RNF149: variants seen among roughly 807,000 people sequenced by gnomAD.
RNF149 encodes the protein ring finger protein 149, also known as E3 ubiquitin-protein ligase RNF149.
Under a neutral mutation model 39.0 loss-of-function variants are expected in RNF149, and 21 were observed. That is an observed-to-expected ratio of 0.54 (90% CI 0.38 to 0.77). The LOEUF is 0.77. RNF149 is among the 30% of genes least tolerant of loss of function. RNF149 has a pLI of 0.00. For synonymous variants in RNF149, 209 were observed against 213.6 expected, an observed-to-expected ratio of 0.98 and a Z score of 0.19; for missense variants, 493 against 534.9, an observed-to-expected ratio of 0.92 and a Z score of 0.77.
chr2:101,302,081 C>T (rs987568868), intron 1 of RNF149, among the ~76,000 whole-genome samples: 20 of 152,192 alleles, frequency 1.3e-4, no homozygotes, highest in Admixed American at 1.1e-3. Flanking sequence ...TAAGGTTCAG[C>T]GTAAGCTCAA....
downstream of RNF149, among the ~76,000 whole-genome samples, chr2:101,274,417 C>A (rs1456889809): frequency 6.6e-6 from 1 of 152,168 alleles, no homozygotes; most frequent in Non-Finnish European, 1.5e-5. Context: ...GACACGTAAA[C>A]CCTGGAATAA....
chr2:101,275,422 C>T (rs1682300727), downstream of RNF149, among the ~76,000 whole-genome samples: 2 of 119,634 alleles, frequency 1.7e-5, no homozygotes, highest in South Asian at 2.8e-4. Flanking sequence ...CGGCCCTCCC[C>T]TAGTATTTCT....
At chr2:101,306,008 G>A (rs1306846503) in intron 1 of RNF149, among the ~76,000 whole-genome samples, 1 of 152,106 alleles carries the variant, frequency 6.6e-6, no homozygotes, top group African/African-American at 2.4e-5. Context: ...TCACTAAAAA[G>A]GCTAGAATGG....
chr2:101,276,862 C>CT lies in RNF149; in HGVS notation c.*375dup, dbSNP rs1682363412. 4 of 1,013,658 alleles carry CT rather than the reference C, an allele frequency of 3.9e-6. No homozygotes were observed. The highest frequency in any genetic ancestry group is 4.7e-6 in the Non-Finnish European group (4 of 845,238). 62.8% of individuals were successfully genotyped at this position (1,013,658 alleles called of 1,614,324 possible). ...ATTATACAATTCCACTTCAACTAGT[C>CT]TAACATTGATGTGCTTTGCCAAAAA... is the stretch of plus-strand genomic sequence containing the variant. On this transcript the variant is annotated 3_prime_UTR_variant, in exon 7 of 7. Transcript: ENST00000295317.
In RNF149 at chr2:101,294,620, G is replaced by A. The variant is rs1406372916; in HGVS notation, c.711+311C>T. 12 of 267,478 alleles carry A rather than the reference G, an allele frequency of 4.5e-5. No individual in the cohort carries two copies. In the South Asian group the frequency reaches 4.8e-4, roughly 11 times the overall value. The allele number at this position is 267,478 out of a possible 1,614,324, so 16.6% of individuals were successfully genotyped here. ...TGAGAGAGATAAATGGCTTTACTAC[G>A]GCTCCATGATGGAGACAGAGAGGCC... On this transcript the variant is annotated intron_variant, in intron 2 of 6. Coordinates refer to ENST00000295317, the MANE Select transcript of RNF149 (RefSeq NM_173647.4).
At chr2:101,284,446 T>C (rs1372546595) in intron 5 of RNF149, among the ~76,000 whole-genome samples, 1 of 152,108 alleles carries the variant, frequency 6.6e-6, no homozygotes, top group African/African-American at 2.4e-5. Flanking sequence ...CTGGGTGTAC[T>C]GGAGTGCAGG....
chr2:101,271,899 G>A (rs1305403978), downstream of RNF149, among the ~76,000 whole-genome samples: 1 of 152,128 alleles, frequency 6.6e-6, no homozygotes, highest in South Asian at 2.1e-4. Flanking sequence ...TATTCTTATA[G>A]TGTACATATA....
chr2:101,296,771 G>T (rs1296398801), intron 1 of RNF149, among the ~76,000 whole-genome samples: 1 of 151,866 alleles, frequency 6.6e-6, no homozygotes, highest in Admixed American at 6.6e-5. Flanking sequence ...ATGGCTAGAA[G>T]AAACATGGGA....
Position 101,308,158 on chromosome 2 carries a change from C to T in RNF149, c.431G>A (p.Gly144Glu). The change falls in exon 1 of 7, where the codon GGG becomes GAG. Residue 144 changes from glycine to glutamate, a missense_variant. Physicochemically the swap from Gly to Glu is moderately conservative, Grantham distance 98. Transcript: ENST00000295317. ...GTGAGACATGGGCAAGGTGATGTTC[C>T]CGTAGCGCTCCTCATTGTAGAGGAC... ...AVVLYNEERY[G>E]NITLPMSHAG... 2 of 1,610,200 alleles carry T rather than the reference C, an allele frequency of 1.2e-6. No homozygotes were observed. The highest frequency in any genetic ancestry group is 2.2e-5 in the South Asian group (2 of 91,004).
At position 101,295,260 on chromosome 2, in the gene RNF149, T is replaced by C. The variant is rs896092665; in HGVS notation, c.461-79A>G. The C allele has an allele frequency of 4.2e-4, 496 of 1,189,556 alleles. 1 individual carries two copies. Among genetic ancestry groups the C allele is most frequent in the Middle Eastern group, 2.3e-3 (11 of 4,840 alleles). The allele number at this position is 1,189,556 out of a possible 1,614,324, so 73.7% of individuals were successfully genotyped here. ...AACATTAAATTAAATATAAGGGTAC[T>C]ATGTTCATCTACATATATAAATACA... On this transcript the variant is annotated intron_variant, in intron 1 of 6. Transcript: ENST00000295317.
chr2:101,282,243 C>T (rs1388582778), intron 5 of RNF149, among the ~76,000 whole-genome samples, 186 bp from the exon 6 acceptor site: 2 of 151,594 alleles, frequency 1.3e-5, no homozygotes, highest in Non-Finnish European at 2.9e-5. Context: ...GACAACCAAT[C>T]TCCTAAGGCC....
chr2:101,297,315 T>C (rs962570084), intron 1 of RNF149, among the ~76,000 whole-genome samples: 4 of 151,474 alleles, frequency 2.6e-5, no homozygotes, highest in Non-Finnish European at 4.4e-5. Context: ...ACAAAGAAAA[T>C]GAAGTTGATT....
chr2:101,292,768 A>G (rs1191867695), intron 3 of RNF149, among the ~76,000 whole-genome samples: 1 of 152,000 alleles, frequency 6.6e-6, no homozygotes. Context: ...TCCATCTCAA[A>G]TGAAGAAAAA....
At chr2:101,280,176 A>AAATAATAATAATAATAATAATAAT (rs535984877) in intron 6 of RNF149, among the ~76,000 whole-genome samples, 8 of 148,222 alleles carry the variant, frequency 5.4e-5, no homozygotes, top group African/African-American at 2.0e-4. Flanking sequence ...ACTCCATCTC[A>AAATAATAATAATAATAATAATAAT]AATAATAATA....
At chr2:101,274,552 A>G (rs965092800), downstream of RNF149, among the ~76,000 whole-genome samples, 2 of 152,152 alleles carry the variant, frequency 1.3e-5, no homozygotes, top group African/African-American at 2.4e-5. Flanking sequence ...AGTTTTATGG[A>G]TTAGATGAGC....
chr2:101,298,258 T>C (rs1683318311), intron 1 of RNF149, among the ~76,000 whole-genome samples: 1 of 152,018 alleles, frequency 6.6e-6, no homozygotes, highest in South Asian at 2.1e-4. Flanking sequence ...CTATCTCTAC[T>C]TAAAAGAAAT....
chr2:101,288,673 G>A, intron 4 of RNF149: 1 of 239,744 alleles, frequency 4.2e-6, no homozygotes, highest in African/African-American at 2.3e-5. Context: ...CTTACTTTTT[G>A]CACTGCTAAA....
rs562392334 is a variant in RNF149, at chr2:101,301,033, T to G, written c.461-5852A>C. ...ACCAAATCACAGCTTATTTCCAAAC[T>G]AAATGACTGGATTTCGTCACAGAAA... On this transcript the variant is annotated intron_variant, in intron 1 of 6. Transcript: ENST00000295317. Among the ~76,000 whole-genome samples, 8 of 152,274 alleles carry G rather than the reference T, an allele frequency of 5.3e-5. No homozygotes were observed. In the South Asian group the frequency reaches 1.7e-3, roughly 32 times the overall value.
At chr2:101,300,935 C>T (rs1683429189) in intron 1 of RNF149, among the ~76,000 whole-genome samples, 1 of 152,178 alleles carries the variant, frequency 6.6e-6, no homozygotes, top group Non-Finnish European at 1.5e-5. Flanking sequence ...TGCATCGCCG[C>T]CTCTCTGGCC....
Sources: allele counts gnomAD v4.1 joint callset (sites outside exome capture counted in the v4.1 genomes callset), GRCh38; gene constraint gnomAD v4.1.1; transcripts MANE v1.5; gene names NCBI Gene and HGNC (gene_info 2026-07-23, HGNC 2026-07-21).